The following SOX5 variants were observed in gnomAD, a reference collection of about 807,000 sequenced individuals.
SOX5 encodes the protein SRY-box transcription factor 5.
A neutral mutation model predicts 92.0 loss-of-function variants in SOX5; 9 were observed. The ratio of observed to expected loss-of-function variants is 0.10; its 90% CI spans 0.06 to 0.17. SOX5 has a LOEUF of 0.17. Among genes scored for constraint, SOX5 ranks in the 10% least tolerant of loss-of-function variants. The pLI is 1.00. For synonymous variants in SOX5, 344 were observed against 336.3 expected (o/e 1.02, Z -0.25); for missense variants, 642 against 944.5 (o/e 0.68, Z 4.20).
intron 2 of SOX5, among the ~76,000 whole-genome samples, chr12:24,362,253 A>G (rs1234504882): frequency 2.6e-5 from 4 of 152,212 alleles, no homozygotes. Flanking sequence ...GCACATTTGG[A>G]TATTTCCTTC....
intron 1 of SOX5, among the ~76,000 whole-genome samples, chr12:24,482,444 T>C (rs1566274769): frequency 6.6e-6 from 1 of 152,214 alleles, no homozygotes. Context: ...TTACCAGAAA[T>C]GGCGTTTTCC....
intron 4 of SOX5, among the ~76,000 whole-genome samples, chr12:24,150,453 G>C (rs1951540855): frequency 6.6e-6 from 1 of 152,140 alleles, no homozygotes; most frequent in Non-Finnish European, 1.5e-5. Context: ...GTGAAAAGTT[G>C]TAATAGATGA....
intron 2 of SOX5, among the ~76,000 whole-genome samples, chr12:24,363,252 T>A (rs1955798401): frequency 6.6e-6 from 1 of 152,048 alleles, no homozygotes; most frequent in Admixed American, 6.6e-5. Flanking sequence ...CAAAAAAAAA[T>A]TAGTAATAAT....
At chr12:23,923,509 A>T (rs1939066597) in intron 1 of SOX5, among the ~76,000 whole-genome samples, 1 of 152,212 alleles carries the variant, frequency 6.6e-6, no homozygotes, top group Non-Finnish European at 1.5e-5. Context: ...TGTCAAAAAT[A>T]TACCTAGCAC....
intron 6 of SOX5, among the ~76,000 whole-genome samples, chr12:23,699,403 GGAA>G (rs1176421991): frequency 1.3e-5 from 2 of 152,112 alleles, no homozygotes; most frequent in South Asian, 2.1e-4. Context: ...TAACCTAGTT[GGAA>G]GAAGAAGACA....
At chr12:24,254,568 G>A (rs1030740891) in intron 3 of SOX5, among the ~76,000 whole-genome samples, 6 of 151,696 alleles carry the variant, frequency 4.0e-5, no homozygotes, top group African/African-American at 1.5e-4. Context: ...ATTGAAAATT[G>A]TACTGAAAGT....
chr12:23,571,172 A>AATT (rs1948316789), intron 10 of SOX5, among the ~76,000 whole-genome samples: 1 of 150,106 alleles, frequency 6.7e-6, no homozygotes, highest in East Asian at 2.0e-4. Context: ...TAATAATAAT[A>AATT]AATAAATAAA....
At chr12:24,478,485 A>C (rs1414428348) in intron 1 of SOX5, among the ~76,000 whole-genome samples, 2 of 152,158 alleles carry the variant, frequency 1.3e-5, no homozygotes, top group African/African-American at 4.8e-5. Context: ...TTTTCCACCT[A>C]CTTAAAGAAA....
At chr12:23,732,225 A>G (rs1297826914) in intron 6 of SOX5, among the ~76,000 whole-genome samples, 1 of 152,180 alleles carries the variant, frequency 6.6e-6, no homozygotes, top group African/African-American at 2.4e-5. Context: ...AAAACATTCT[A>G]AAATGAAATA....
intron 4 of SOX5, among the ~76,000 whole-genome samples, chr12:24,213,113 T>C (rs771367899): frequency 2.0e-5 from 3 of 152,168 alleles, no homozygotes; most frequent in Admixed American, 6.5e-5. Context: ...ATGTAACTTA[T>C]GTAAGATTTT....
rs1279338430 is a variant in SOX5, at chr12:23,970,826, T to TTATATATATATATATATATATATATATA, written c.-1-74803_-1-74802insTATATATATATATATATATATATATATA. 6.6e-4 allele frequency among the ~76,000 whole-genome samples: 17 copies of TTATATATATATATATATATATATATATA among 25,788 alleles called. 1 individual carries two copies. The East Asian group carries it at 8.1e-3, about 12-fold the overall frequency. The allele number at this position is 25,788 out of a possible 152,430, so 16.9% of individuals were successfully genotyped here. On this transcript the variant is annotated intron_variant, in intron 4 of 4. Coordinates refer to the SOX5 transcript ENST00000446891. Reference sequence around the variant, plus strand: ...TGGAATTGCTAGGTCACATGGGACTTTATATATATATATAATTTTTTTTTT... The same window carrying TTATATATATATATATATATATATATATA: ...TGGAATTGCTAGGTCACATGGGACTTTATATATATATATATATATATATATATATATATATATATATAATTTTTTTTTT...
At chr12:24,489,699 C>A (rs1397811115) in intron 1 of SOX5, among the ~76,000 whole-genome samples, 3 of 152,204 alleles carry the variant, frequency 2.0e-5, no homozygotes, top group Non-Finnish European at 4.4e-5. Context: ...TCAGTTACAT[C>A]TATCCCCTTA....
chr12:24,417,252 C>T (rs1965176259), intron 1 of SOX5, among the ~76,000 whole-genome samples: 1 of 152,152 alleles, frequency 6.6e-6, no homozygotes, highest in African/African-American at 2.4e-5. Flanking sequence ...TCCAGTGTTA[C>T]CACAAGAGTC....
intron 2 of SOX5, among the ~76,000 whole-genome samples, chr12:23,850,179 C>A (rs529776139): frequency 6.6e-6 from 1 of 152,102 alleles, no homozygotes; most frequent in South Asian, 2.1e-4. Context: ...TCCTGTAATC[C>A]CAGCACTTTG....
At chr12:23,781,084 T>G (rs1285209289) in intron 3 of SOX5, among the ~76,000 whole-genome samples, 3 of 152,022 alleles carry the variant, frequency 2.0e-5, no homozygotes, top group African/African-American at 7.2e-5. Flanking sequence ...TGTAATTCCC[T>G]TGTCTCATCC....
intron 2 of SOX5, among the ~76,000 whole-genome samples, chr12:23,890,586 C>A (rs2097120676): frequency 6.6e-6 from 1 of 151,954 alleles, no homozygotes; most frequent in Non-Finnish European, 1.5e-5. Context: ...ATAGAGTTAC[C>A]CCAGCTGCTT....
intron 4 of SOX5, among the ~76,000 whole-genome samples, chr12:23,999,889 T>C (rs1331828243): frequency 6.6e-6 from 1 of 151,820 alleles, no homozygotes; most frequent in African/African-American, 2.4e-5. Context: ...AGAAAGTCCT[T>C]TGGTCTAAAA....
intron 6 of SOX5, among the ~76,000 whole-genome samples, chr12:23,719,640 C>G (rs1268213325): frequency 6.6e-6 from 1 of 151,742 alleles, no homozygotes; most frequent in Non-Finnish European, 1.5e-5. Flanking sequence ...ACCTGTGGTC[C>G]TAGCCACTCA....
chr12:23,830,598 G>A (rs2096300652), intron 3 of SOX5, among the ~76,000 whole-genome samples: 1 of 152,076 alleles, frequency 6.6e-6, no homozygotes, highest in African/African-American at 2.4e-5. Context: ...GTATCTTTAG[G>A]CTTTTCCCCT....
Sources: allele counts gnomAD v4.1 joint callset (sites outside exome capture counted in the v4.1 genomes callset), GRCh38; gene constraint gnomAD v4.1.1; transcripts MANE v1.5; gene names NCBI Gene and HGNC (gene_info 2026-07-23, HGNC 2026-07-21).